Variants in LINGO2 observed in about 807,000 individuals in gnomAD.
The protein encoded by LINGO2 is leucine rich repeat and Ig domain containing 2.
LINGO2 carries 14 observed loss-of-function variants against 30.6 expected under a neutral mutation model. The ratio of observed to expected loss-of-function variants is 0.46; its 90% CI spans 0.30 to 0.72. The LOEUF (loss-of-function observed/expected upper bound fraction) is 0.72, where lower values mean the gene tolerates loss of function less well. Ranked by LOEUF, LINGO2 falls within the 30% of genes least tolerant of loss-of-function variation. The probability of loss-of-function intolerance (pLI) is 0.07; values close to 1 mark genes in which losing one functional copy is unlikely to be tolerated. For missense variants in LINGO2, 729 were observed against 751.7 expected (o/e 0.97, Z 0.35); for synonymous variants, 317 against 288.5 (o/e 1.10, Z -1.00).
At chr9:28,046,875 A>G (rs1824445425) in intron 4 of LINGO2, among the ~76,000 whole-genome samples, 1 of 152,130 alleles carries the variant, frequency 6.6e-6, no homozygotes, top group Non-Finnish European at 1.5e-5. Flanking sequence ...ATCTATTAAC[A>G]CAGGATTTTG....
At chr9:28,071,386 A>C (rs911484540) in intron 4 of LINGO2, among the ~76,000 whole-genome samples, 1 of 151,982 alleles carries the variant, frequency 6.6e-6, no homozygotes, top group African/African-American at 2.4e-5. Flanking sequence ...GCAACAACAC[A>C]ATCTTTATAG....
At chr9:29,146,777 AC>A in the LINGO2 span, among the ~76,000 whole-genome samples, 20 of 152,288 alleles carry the variant, frequency 1.3e-4, no homozygotes, top group African/African-American at 4.8e-4. Flanking sequence ...GTAACTCTGA[AC>A]CAAAGACAAA....
the LINGO2 span, among the ~76,000 whole-genome samples, chr9:29,057,775 G>A: frequency 2.0e-5 from 3 of 152,192 alleles, no homozygotes; most frequent in South Asian, 6.2e-4. Flanking sequence ...ATAATAAACT[G>A]GGAGCAGAAC....
chr9:28,068,310 G>A (rs2133160169), intron 4 of LINGO2, among the ~76,000 whole-genome samples: 1 of 152,192 alleles, frequency 6.6e-6, no homozygotes, highest in East Asian at 1.9e-4. Context: ...CTCTTCTCTT[G>A]TCTTATAGGG....
chr9:29,033,287 C>A, the LINGO2 span, among the ~76,000 whole-genome samples: 3 of 151,174 alleles, frequency 2.0e-5, no homozygotes, highest in African/African-American at 7.3e-5. Flanking sequence ...TATTGTTATT[C>A]CTGTCTGGTG....
intron 1 of LINGO2, among the ~76,000 whole-genome samples, chr9:28,639,354 A>G (rs1827453988): frequency 6.6e-6 from 1 of 151,640 alleles, no homozygotes; most frequent in Admixed American, 6.6e-5. Context: ...TGTAGAGCTG[A>G]GTTCAATTCC....
chr9:28,439,804 C>T (rs1191029960), intron 2 of LINGO2, among the ~76,000 whole-genome samples: 2 of 152,058 alleles, frequency 1.3e-5, no homozygotes, highest in Non-Finnish European at 2.9e-5. Flanking sequence ...ATTAATACAC[C>T]GTGAAACTAG....
chr9:28,795,618 T>C, the LINGO2 span, among the ~76,000 whole-genome samples: 1 of 151,626 alleles, frequency 6.6e-6, no homozygotes, highest in African/African-American at 2.4e-5. Flanking sequence ...CATATATTTT[T>C]ATATAATTTA....
At chr9:28,724,081 C>T in the LINGO2 span, among the ~76,000 whole-genome samples, 1 of 152,076 alleles carries the variant, frequency 6.6e-6, no homozygotes, top group Non-Finnish European at 1.5e-5. Flanking sequence ...TAACTTCACC[C>T]CTTTAAGTAA....
chr9:28,648,914 A>C (rs1297982237), intron 1 of LINGO2, among the ~76,000 whole-genome samples: 1 of 152,058 alleles, frequency 6.6e-6, no homozygotes. Context: ...ATATATAGAA[A>C]TGGTAGGGGG....
chr9:28,812,459 C>T, the LINGO2 span, among the ~76,000 whole-genome samples: 1 of 152,100 alleles, frequency 6.6e-6, no homozygotes, highest in Non-Finnish European at 1.5e-5. Context: ...GCCCCATTCG[C>T]CTGAGAAATT....
the LINGO2 span, among the ~76,000 whole-genome samples, chr9:29,074,923 G>C: frequency 6.6e-6 from 1 of 151,532 alleles, no homozygotes; most frequent in Non-Finnish European, 1.5e-5. Flanking sequence ...TGATCCGCCC[G>C]CCTCGGCCTC....
the LINGO2 span, among the ~76,000 whole-genome samples, chr9:29,181,193 T>C: frequency 1.3e-5 from 2 of 152,194 alleles, no homozygotes; most frequent in Admixed American, 6.5e-5. Context: ...TAGCGTGACT[T>C]TGAACAATTT....
chr9:28,679,363 C>A, the LINGO2 span, among the ~76,000 whole-genome samples: 1 of 152,096 alleles, frequency 6.6e-6, no homozygotes, highest in African/African-American at 2.4e-5. Flanking sequence ...AACTTTGGTT[C>A]TGATTTCTTA....
chr9:28,619,533 C>A (rs1826296968), intron 1 of LINGO2, among the ~76,000 whole-genome samples: 1 of 152,066 alleles, frequency 6.6e-6, no homozygotes, highest in South Asian at 2.1e-4. Flanking sequence ...TAGCAGGTGA[C>A]TGATATTCAA....
the LINGO2 span, among the ~76,000 whole-genome samples, chr9:29,043,482 C>A: frequency 1.3e-5 from 2 of 151,942 alleles, no homozygotes; most frequent in Non-Finnish European, 2.9e-5. Context: ...ACTTCTGAAT[C>A]CTGCGAATCT....
At chr9:28,994,178 TACA>T in the LINGO2 span, among the ~76,000 whole-genome samples, 1 of 152,248 alleles carries the variant, frequency 6.6e-6, no homozygotes, top group South Asian at 2.1e-4. Context: ...AGTCTCAGGA[TACA>T]ACATCAATGT....
chr9:28,216,333 T>G (rs765673335), intron 4 of LINGO2, among the ~76,000 whole-genome samples: 4 of 151,944 alleles, frequency 2.6e-5, no homozygotes, highest in Non-Finnish European at 4.4e-5. Flanking sequence ...AGAATTTTGT[T>G]GGGATTTTCT....
chr9:28,071,973 C>T (rs1825492360), intron 4 of LINGO2, among the ~76,000 whole-genome samples: 1 of 152,106 alleles, frequency 6.6e-6, no homozygotes, highest in South Asian at 2.1e-4. Context: ...AGTCTTTAGA[C>T]AATGTACATA....
Sources: allele counts gnomAD v4.1 joint callset (sites outside exome capture counted in the v4.1 genomes callset), GRCh38; gene constraint gnomAD v4.1.1; transcripts MANE v1.5; gene names NCBI Gene and HGNC (gene_info 2026-07-23, HGNC 2026-07-21).